The following FBXW7 variants were observed in gnomAD, a reference collection of about 807,000 sequenced individuals.
FBXW7 encodes the protein F-box and WD repeat domain containing 7, also known as F-box/WD repeat-containing protein 7.
A neutral mutation model predicts 86.3 loss-of-function variants in FBXW7; 11 were observed. The observed-to-expected ratio is 0.13, with a 90% CI of 0.08 to 0.21. The LOEUF is 0.21. FBXW7 is among the 10% of genes least tolerant of loss of function. The pLI is 1.00. For synonymous variants in FBXW7, 313 were observed against 297.9 expected (o/e 1.05, Z -0.52); for missense variants, 488 against 847.4 (o/e 0.58, Z 5.27).
chr4:152,333,230 CACTT>C (rs758688368), intron 7 of FBXW7, among the ~76,000 whole-genome samples: 4 of 152,142 alleles, frequency 2.6e-5, no homozygotes, highest in Admixed American at 6.5e-5. Flanking sequence ...ACTTCTGAAA[CACTT>C]ACATCCTTGA....
chr4:152,424,784 G>A (rs1331448931), intron 2 of FBXW7, among the ~76,000 whole-genome samples: 1 of 152,220 alleles, frequency 6.6e-6, no homozygotes, highest in Non-Finnish European at 1.5e-5. Flanking sequence ...AGGATCTAGA[G>A]TCAGCTAGTT....
At chr4:152,350,204 A>C in intron 4 of FBXW7, 80 bp from the exon 5 acceptor site, 1 of 695,290 alleles carries the variant, frequency 1.4e-6, no homozygotes, top group Non-Finnish European at 2.3e-6. Flanking sequence ...TTAATATTTT[A>C]AATTCTTAAA....
intron 6 of FBXW7, among the ~76,000 whole-genome samples, chr4:152,339,053 A>ATTGTAGATTCAT (rs1730450980): frequency 6.6e-6 from 1 of 152,224 alleles, no homozygotes; most frequent in Non-Finnish European, 1.5e-5. Context: ...GTATTTACCC[A>ATTGTAGATTCAT]TGTGGAATCT....
At chr4:152,484,235 T>C (rs888205854) in intron 2 of FBXW7, among the ~76,000 whole-genome samples, 1 of 152,142 alleles carries the variant, frequency 6.6e-6, no homozygotes, top group African/African-American at 2.4e-5. Context: ...TCTACATAAA[T>C]TTCTAACAAC....
At chr4:152,520,828 T>C (rs1052779425) in intron 2 of FBXW7, among the ~76,000 whole-genome samples, 1 of 152,188 alleles carries the variant, frequency 6.6e-6, no homozygotes, top group Admixed American at 6.5e-5. Context: ...TTCCAAAATA[T>C]CTAAGCTACT....
At chr4:152,453,537 G>C (rs575932770) in intron 2 of FBXW7, among the ~76,000 whole-genome samples, 1 of 152,146 alleles carries the variant, frequency 6.6e-6, no homozygotes, top group East Asian at 2.0e-4. Flanking sequence ...TGCCTTCACT[G>C]AACTTTTATA....
intron 2 of FBXW7, among the ~76,000 whole-genome samples, chr4:152,472,692 G>T (rs1393237236): frequency 6.6e-6 from 1 of 152,116 alleles, no homozygotes; most frequent in Non-Finnish European, 1.5e-5. Flanking sequence ...ATCTTGATCT[G>T]GGTTGTGGTT....
At chr4:152,499,396 G>A (rs1165099178) in intron 2 of FBXW7, among the ~76,000 whole-genome samples, 26 of 152,108 alleles carry the variant, frequency 1.7e-4, no homozygotes, top group Admixed American at 1.6e-3. Flanking sequence ...TATAAAACAT[G>A]AACATGCAAA....
chr4:152,435,057 G>A (rs1412615341), intron 2 of FBXW7, among the ~76,000 whole-genome samples: 3 of 137,354 alleles, frequency 2.2e-5, no homozygotes, highest in African/African-American at 5.3e-5. Flanking sequence ...AACTACTAAC[G>A]AGAGGCCTGG....
Position 152,412,694 on chromosome 4 carries a change from C to T in FBXW7, c.-119-165G>A, listed in dbSNP as rs1034430677. Reference sequence around the variant, plus strand: ...GGATATATATGGTGTAATCCCTAAACATGACGTTCATAAAATATTTTTAAA... The same window carrying T: ...GGATATATATGGTGTAATCCCTAAATATGACGTTCATAAAATATTTTTAAA... On this transcript the variant is annotated intron_variant, in intron 2 of 13. Transcript: ENST00000281708. 4.6e-5 allele frequency: 7 copies of T among 152,054 alleles called. No individual in the cohort carries two copies. In the South Asian group the frequency reaches 1.5e-3, roughly 32 times the overall value. The allele number at this position is 152,054 out of a possible 1,614,324, so 9.4% of individuals were successfully genotyped here.
intron 9 of FBXW7, 116 bp downstream of exon 9, chr4:152,330,616 A>G: frequency 2.4e-6 from 2 of 832,782 alleles, no homozygotes. Flanking sequence ...TTTAAAATAT[A>G]CGGTTTTCTT....
At chr4:152,437,598 C>G (rs1310584035) in intron 2 of FBXW7, among the ~76,000 whole-genome samples, 1 of 152,130 alleles carries the variant, frequency 6.6e-6, no homozygotes. Context: ...ATTGATAAAC[C>G]AGCGGCAGGA....
chr4:152,349,138 T>C (rs967078664), intron 5 of FBXW7, among the ~76,000 whole-genome samples: 1 of 152,074 alleles, frequency 6.6e-6, no homozygotes, highest in Non-Finnish European at 1.5e-5. Context: ...ATAAAAAAAT[T>C]ATATCTGAGC....
intron 2 of FBXW7, among the ~76,000 whole-genome samples, chr4:152,434,936 C>T (rs1740239724): frequency 7.3e-6 from 1 of 136,504 alleles, no homozygotes; most frequent in Non-Finnish European, 1.5e-5. Flanking sequence ...TTCTCTGTTC[C>T]CCCAACCTCC....
At chr4:152,465,912 A>T (rs999353503) in intron 2 of FBXW7, among the ~76,000 whole-genome samples, 2 of 152,238 alleles carry the variant, frequency 1.3e-5, no homozygotes, top group African/African-American at 4.8e-5. Flanking sequence ...TTAGCCAATG[A>T]ACACCATGAT....
chr4:152,535,662 AC>A lies in FBXW7; in HGVS notation c.-749del, dbSNP rs959877440. 3 of 394,486 alleles carry A rather than the reference AC, an allele frequency of 7.6e-6. No homozygotes were observed. The highest frequency in any genetic ancestry group is 4.4e-5 in the Admixed American group (1 of 22,520). The allele number at this position is 394,486 out of a possible 1,614,324, so 24.4% of individuals were successfully genotyped here. A position where few individuals can be genotyped will look rare whatever the true frequency, so the allele number is the denominator to read the frequency against. On this transcript the variant is annotated 5_prime_UTR_variant, in exon 1 of 14. Transcript: ENST00000281708. The stretch of plus-strand genomic sequence containing the variant: ...TCCCGCATGTGTCGCTGCGGCTGGG[AC>A]CCCCCTCCCTACACCTTGGGGGTCT...
At chr4:152,332,484 T>C in intron 8 of FBXW7, 112 bp downstream of exon 8, 3 of 1,110,976 alleles carry the variant, frequency 2.7e-6, no homozygotes, top group Non-Finnish European at 3.6e-6. Context: ...TAGAATAATC[T>C]GTGGATTTTA....
At chr4:152,522,769 A>G (rs1019298122) in intron 2 of FBXW7, among the ~76,000 whole-genome samples, 8 of 152,220 alleles carry the variant, frequency 5.3e-5, no homozygotes, top group African/African-American at 1.7e-4. Context: ...TAATACTAAC[A>G]AAGAAGTAAC....
At chr4:152,494,654 T>C (rs1219743351) in intron 2 of FBXW7, among the ~76,000 whole-genome samples, 1 of 152,070 alleles carries the variant, frequency 6.6e-6, no homozygotes, top group East Asian at 1.9e-4. Flanking sequence ...ACCAGGATAT[T>C]GGAGAGTCTA....
Sources: gnomAD v4.1 joint callset for allele counts (sites outside exome capture counted in the v4.1 genomes callset) on GRCh38, gnomAD v4.1.1 for gene constraint, MANE v1.5 for transcripts, NCBI Gene and HGNC (gene_info 2026-07-23, HGNC 2026-07-21) for gene names.